The following SLC25A21 variants were observed in gnomAD, a reference collection of about 807,000 sequenced individuals.
The protein encoded by SLC25A21 is solute carrier family 25 member 21.
SLC25A21 carries 47 observed loss-of-function variants against 43.8 expected under a neutral mutation model. The ratio of observed to expected loss-of-function variants is 1.07; its 90% CI spans 0.85 to 1.37. The LOEUF (loss-of-function observed/expected upper bound fraction) is 1.37, where lower values mean the gene tolerates loss of function less well. SLC25A21 is among the 40% of genes most tolerant of loss of function. The probability of loss-of-function intolerance (pLI) is 0.00; values close to 1 mark genes in which losing one functional copy is unlikely to be tolerated. For missense variants in SLC25A21, 352 were observed against 350.2 expected (o/e 1.00, Z -0.04); for synonymous variants, 131 against 121.3 (o/e 1.08, Z -0.52).
intron 1 of SLC25A21, among the ~76,000 whole-genome samples, chr14:36,985,932 T>C (rs1451888294): frequency 1.3e-5 from 2 of 152,174 alleles, no homozygotes; most frequent in Non-Finnish European, 2.9e-5. Flanking sequence ...CAAATTATTT[T>C]ATATCTTTTT....
In SLC25A21 at chr14:36,823,453, A is replaced by G. The variant is rs79226148; in HGVS notation, c.120-9452T>C. Among the ~76,000 whole-genome samples the G allele has an allele frequency of 6.3e-3, 963 of 152,288 alleles. 17 individuals are homozygous for G. Among genetic ancestry groups the G allele is most frequent in the African/African-American group, 0.022 (921 of 41,550 alleles). On this transcript the variant is annotated intron_variant, in intron 2 of 9. Transcript: ENST00000331299. ...TATGTATGTATGTATACACATATTT[A>G]AACTTCATATTTAATGCTAACAAAT...
intron 1 of SLC25A21, among the ~76,000 whole-genome samples, chr14:37,165,131 C>T (rs554252899): frequency 5.2e-4 from 79 of 152,324 alleles, no homozygotes; most frequent in African/African-American, 1.8e-3. Flanking sequence ...AATCCCAGCA[C>T]TTTGGGAGGC....
chr14:36,686,554 A>C (rs1882554644), intron 7 of SLC25A21, among the ~76,000 whole-genome samples: 2 of 152,064 alleles, frequency 1.3e-5, no homozygotes, highest in Admixed American at 6.6e-5. Flanking sequence ...AAATTGTATC[A>C]TTTTTCTGAG....
intron 2 of SLC25A21, among the ~76,000 whole-genome samples, chr14:36,838,806 C>G (rs1480004174): frequency 6.6e-6 from 1 of 152,132 alleles, no homozygotes; most frequent in Non-Finnish European, 1.5e-5. Context: ...TTAATTATTT[C>G]TTAGTAGTCG....
At chr14:36,787,591 T>G (rs568662771) in intron 3 of SLC25A21, among the ~76,000 whole-genome samples, 1 of 152,328 alleles carries the variant, frequency 6.6e-6, no homozygotes, top group Admixed American at 6.5e-5. Context: ...CCATTTTATA[T>G]TAAACACAAT....
At chr14:37,093,944 T>C (rs1490382703) in intron 1 of SLC25A21, among the ~76,000 whole-genome samples, 2 of 152,208 alleles carry the variant, frequency 1.3e-5, no homozygotes, top group African/African-American at 4.8e-5. Context: ...GCTTATCATA[T>C]ACATTTCAGA....
At chr14:36,730,706 TAG>T (rs1193660875) in intron 4 of SLC25A21, among the ~76,000 whole-genome samples, 1 of 152,326 alleles carries the variant, frequency 6.6e-6, no homozygotes, top group Admixed American at 6.5e-5. Flanking sequence ...ACTATGAATG[TAG>T]AGTTTTCTAA....
In SLC25A21 at chr14:37,011,984, T is replaced by C. The variant is rs72667374; in HGVS notation, c.71-136980A>G. Reference sequence around the variant, plus strand: ...TCACAGACAAACTAAGTTTTTCTTCTTCTCAAGAGTTACAATATATTGATG... The same window carrying C: ...TCACAGACAAACTAAGTTTTTCTTCCTCTCAAGAGTTACAATATATTGATG... On this transcript the variant is annotated intron_variant, in intron 1 of 9. Transcript: ENST00000331299. 1.1e-3 allele frequency among the ~76,000 whole-genome samples: 160 copies of C among 152,312 alleles called. 1 individual carries two copies. The highest frequency in any genetic ancestry group is 2.0e-3 in the Non-Finnish European group (137 of 68,020).
chr14:36,904,036 A>T (rs938828162), intron 1 of SLC25A21, among the ~76,000 whole-genome samples: 6 of 152,234 alleles, frequency 3.9e-5, no homozygotes, highest in Non-Finnish European at 7.3e-5. Context: ...TTTTCCACGA[A>T]TACTGCTTTT....
intron 7 of SLC25A21, among the ~76,000 whole-genome samples, chr14:36,710,986 C>T (rs1008830133): frequency 1.3e-5 from 2 of 152,112 alleles, no homozygotes; most frequent in Non-Finnish European, 2.9e-5. Context: ...TAAGTAATAA[C>T]ATAGTTTCTA....
intron 1 of SLC25A21, among the ~76,000 whole-genome samples, chr14:37,093,444 C>T (rs539802669): frequency 2.6e-5 from 4 of 152,226 alleles, no homozygotes; most frequent in Non-Finnish European, 4.4e-5. Flanking sequence ...TTAAAGTTTC[C>T]GCCTAGTCTT....
At chr14:36,734,438 A>C (rs200405144) in intron 4 of SLC25A21, 69 bp downstream of exon 4, 1 of 142,604 alleles carries the variant, frequency 7.0e-6, no homozygotes. Context: ...TTAATGTCTT[A>C]AGAGTTTGTT....
chr14:36,997,603 T>C (rs907498569), intron 1 of SLC25A21, among the ~76,000 whole-genome samples: 4 of 152,130 alleles, frequency 2.6e-5, no homozygotes, highest in Non-Finnish European at 5.9e-5. Context: ...CTGAGGTGGG[T>C]AGATCACCTG....
chr14:36,939,089 T>G (rs1216651274), intron 1 of SLC25A21, among the ~76,000 whole-genome samples: 1 of 152,204 alleles, frequency 6.6e-6, no homozygotes. Flanking sequence ...ATGTCTCTGG[T>G]GCAGAGTTGG....
At chr14:36,897,099 G>A (rs1461853502) in intron 1 of SLC25A21, among the ~76,000 whole-genome samples, 2 of 152,132 alleles carry the variant, frequency 1.3e-5, no homozygotes, top group African/African-American at 4.8e-5. Context: ...TTGCTAGATT[G>A]GGGAAGTTCT....
intron 1 of SLC25A21, among the ~76,000 whole-genome samples, chr14:36,881,365 G>C (rs201411831): frequency 7.3e-6 from 1 of 136,292 alleles, no homozygotes; most frequent in Non-Finnish European, 1.6e-5. Context: ...GTGTGTGTGT[G>C]TACACATGAG....
intron 1 of SLC25A21, among the ~76,000 whole-genome samples, chr14:37,016,428 C>T (rs1350947524): frequency 1.3e-5 from 2 of 152,138 alleles, no homozygotes; most frequent in Non-Finnish European, 1.5e-5. Flanking sequence ...CAGTACCATG[C>T]TGTTTTGGTT....
At chr14:36,991,207 T>C (rs1960255694) in intron 1 of SLC25A21, among the ~76,000 whole-genome samples, 1 of 152,188 alleles carries the variant, frequency 6.6e-6, no homozygotes, top group African/African-American at 2.4e-5. Context: ...TACAAAGCTG[T>C]TGACCACAGT....
chr14:36,681,300 C>T (rs745455295), intron 9 of SLC25A21, among the ~76,000 whole-genome samples: 4 of 152,288 alleles, frequency 2.6e-5, no homozygotes, highest in Non-Finnish European at 4.4e-5. Flanking sequence ...TTATCTGCTT[C>T]AGTTGTATAT....
Sources: allele counts gnomAD v4.1 joint callset (sites outside exome capture counted in the v4.1 genomes callset), GRCh38; gene constraint gnomAD v4.1.1; transcripts MANE v1.5; gene names NCBI Gene and HGNC (gene_info 2026-07-23, HGNC 2026-07-21).